The following USP14 variants were observed in gnomAD, a reference collection of about 807,000 sequenced individuals.
USP14 encodes the protein ubiquitin carboxyl-terminal hydrolase 14.
In USP14, 38 loss-of-function variants were observed where a neutral mutation model predicts 76.5. That is an observed-to-expected ratio of 0.50 (90% confidence interval 0.38 to 0.65). USP14 has a LOEUF of 0.65. USP14 is among the 30% of genes least tolerant of loss of function. The probability of loss-of-function intolerance (pLI) is 0.00; values close to 1 mark genes in which losing one functional copy is unlikely to be tolerated. For missense variants in USP14, 467 were observed against 586.5 expected (o/e 0.80, Z 2.10); for synonymous variants, 192 against 191.7 (o/e 1.00, Z -0.01).
chr18:191,365 C>G lies in USP14; in HGVS notation c.405-1477C>G, dbSNP rs552413172. ...ATTGAGTACAATTTAACACAATACT[C>G]TCTGTGATTTCTTTCATACTACTTA... On this transcript the variant is annotated intron_variant, in intron 5 of 15. Transcript: ENST00000261601. Among the ~76,000 whole-genome samples the G allele has an allele frequency of 2.1e-4, 32 of 151,840 alleles. No individual in the cohort carries two copies. The South Asian group carries it at 3.9e-3, about 19-fold the overall frequency.
intron 12 of USP14, among the ~76,000 whole-genome samples, chr18:203,960 C>G (rs1200633166): frequency 2.0e-5 from 3 of 152,110 alleles, no homozygotes; most frequent in African/African-American, 2.4e-5. Context: ...GCCTCAGAAT[C>G]TGACTGTTTT....
chr18:201,115 T>C (rs1450018600), intron 10 of USP14, among the ~76,000 whole-genome samples: 1 of 152,208 alleles, frequency 6.6e-6, no homozygotes, highest in African/African-American at 2.4e-5. Context: ...TTATTTATTT[T>C]AAAAGTTAGC....
intron 3 of USP14, among the ~76,000 whole-genome samples, chr18:168,615 G>T (rs1023915280): frequency 2.0e-5 from 3 of 150,916 alleles, no homozygotes; most frequent in African/African-American, 7.3e-5. Context: ...TTGTATTTTT[G>T]GTAGAGACAG....
At chr18:200,591 T>C (rs1165319847) in intron 10 of USP14, among the ~76,000 whole-genome samples, 1 of 152,222 alleles carries the variant, frequency 6.6e-6, no homozygotes, top group Non-Finnish European at 1.5e-5. Flanking sequence ...TCACATAAAA[T>C]GTCAGCTTCC....
At chr18:201,003 A>G (rs913292399) in intron 10 of USP14, among the ~76,000 whole-genome samples, 1 of 152,062 alleles carries the variant, frequency 6.6e-6, no homozygotes. Flanking sequence ...GGGTTTTGTC[A>G]TGTTAGCCTG....
At chr18:196,106 A>G (rs1343920174) in intron 6 of USP14, among the ~76,000 whole-genome samples, 2 of 152,070 alleles carry the variant, frequency 1.3e-5, no homozygotes, top group Non-Finnish European at 2.9e-5. Context: ...GCGGATCACA[A>G]GGTCAGGAGT....
At chr18:194,396 T>C (rs1910173989) in intron 6 of USP14, among the ~76,000 whole-genome samples, 1 of 152,246 alleles carries the variant, frequency 6.6e-6, no homozygotes. Context: ...TGAAAAATAC[T>C]GTTCTTTACA....
intron 5 of USP14, among the ~76,000 whole-genome samples, chr18:190,850 C>T (rs1431160507): frequency 6.6e-6 from 1 of 151,992 alleles, no homozygotes; most frequent in East Asian, 1.9e-4. Flanking sequence ...TTATAAACTT[C>T]AGTGTTAATG....
intron 3 of USP14, among the ~76,000 whole-genome samples, chr18:171,209 C>G (rs534524637): frequency 6.6e-6 from 1 of 151,754 alleles, no homozygotes; most frequent in African/African-American, 2.4e-5. Flanking sequence ...GGTAGCTACA[C>G]TATACAACAG....
At chr18:186,103 A>G (rs1909922640) in intron 5 of USP14, among the ~76,000 whole-genome samples, 1 of 152,158 alleles carries the variant, frequency 6.6e-6, no homozygotes, top group African/African-American at 2.4e-5. Context: ...TTTCTCAGCC[A>G]TCTTCTCGGC....
chr18:213,989 A>AGATAGAT lies in USP14; in HGVS notation c.*2706_*2712dup, dbSNP rs1910761560. 6.7e-6 allele frequency: 1 copy of AGATAGAT among 149,978 alleles called. No homozygotes were observed. Among genetic ancestry groups the AGATAGAT allele is most frequent in the African/African-American group, 2.5e-5 (1 of 40,520 alleles). The allele number at this position is 149,978 out of a possible 1,614,324, so 9.3% of individuals were successfully genotyped here. A position where few individuals can be genotyped will look rare whatever the true frequency, so the allele number is the denominator to read the frequency against. ...AGATAGATAGATTAGATAGATAGAT[A>AGATAGAT]GATAGATAGATGATGATTGATTGAT... On this transcript the variant is annotated 3_prime_UTR_variant, in exon 16 of 16. Coordinates refer to ENST00000261601, the MANE Select transcript of USP14 (RefSeq NM_005151.4).
At chr18:192,614 A>G (rs570533343) in intron 5 of USP14, among the ~76,000 whole-genome samples, 1 of 152,298 alleles carries the variant, frequency 6.6e-6, no homozygotes, top group South Asian at 2.1e-4. Context: ...AGTTTGACAA[A>G]GGGAAAGAGC....
intron 6 of USP14, among the ~76,000 whole-genome samples, chr18:195,731 T>G (rs964573746): frequency 2.0e-5 from 3 of 152,100 alleles, no homozygotes; most frequent in African/African-American, 4.8e-5. Flanking sequence ...AACTATAGGT[T>G]TAAAGGGAGG....
chr18:168,800 C>T (rs1249698981), intron 3 of USP14, among the ~76,000 whole-genome samples: 7 of 151,162 alleles, frequency 4.6e-5, no homozygotes, highest in African/African-American at 1.5e-4. Context: ...TGGCCGGGCG[C>T]GGTGGCTCAC....
chr18:197,502 A>G, intron 7 of USP14, 114 bp from the exon 8 acceptor site: 1 of 747,044 alleles, frequency 1.3e-6, no homozygotes, highest in Non-Finnish European at 2.2e-6. Flanking sequence ...ATTTGGCTTA[A>G]TATTTTTAAA....
chr18:163,006 G>C (rs1716021509), intron 1 of USP14: 1 of 183,844 alleles, frequency 5.4e-6, no homozygotes, highest in South Asian at 1.5e-4. Flanking sequence ...TCGAACTCCT[G>C]ACCTCATGAT....
At chr18:176,166 A>C (rs1909621956) in intron 3 of USP14, among the ~76,000 whole-genome samples, 1 of 152,158 alleles carries the variant, frequency 6.6e-6, no homozygotes, top group African/African-American at 2.4e-5. Flanking sequence ...CCCCAAAAAA[A>C]AAACATTTGG....
chr18:166,005 A>AG (rs1250333223), intron 2 of USP14, among the ~76,000 whole-genome samples: 2 of 100,670 alleles, frequency 2.0e-5, no homozygotes, highest in African/African-American at 6.4e-5. Context: ...CATGCATTTA[A>AG]AAAAAAAATT....
At chr18:197,057 C>A (rs1475301524) in intron 7 of USP14, among the ~76,000 whole-genome samples, 3 of 152,192 alleles carry the variant, frequency 2.0e-5, no homozygotes, top group Admixed American at 6.5e-5. Context: ...GTCCTAAATC[C>A]TCTAGCCCCT....
Sources: allele counts gnomAD v4.1 joint callset (sites outside exome capture counted in the v4.1 genomes callset), GRCh38; gene constraint gnomAD v4.1.1; transcripts MANE v1.5; gene names NCBI Gene and HGNC (gene_info 2026-07-23, HGNC 2026-07-21).